PCDH15: variants seen among roughly 807,000 people sequenced by gnomAD.
The protein encoded by PCDH15 is protocadherin-15.
Under a neutral mutation model 178.5 loss-of-function variants are expected in PCDH15, and 129 were observed. The ratio of observed to expected loss-of-function variants is 0.72; its 90% CI spans 0.63 to 0.84. PCDH15 has a LOEUF of 0.84. PCDH15 is among the 40% of genes least tolerant of loss of function. The pLI, the probability that PCDH15 is intolerant of heterozygous loss-of-function variation, is 0.00. For synonymous variants in PCDH15, 800 were observed against 732.0 expected (o/e 1.09, Z -1.50); for missense variants, 2,230 against 2,099.9 (o/e 1.06, Z -1.21).
At chr10:53,925,040 G>A (rs1443008169) in intron 25 of PCDH15, among the ~76,000 whole-genome samples, 4 of 152,276 alleles carry the variant, frequency 2.6e-5, no homozygotes, top group South Asian at 4.1e-4. Flanking sequence ...GTACCAATCA[G>A]CAGGATGTGG....
At chr10:54,282,025 T>C (rs1190990424) in intron 8 of PCDH15, among the ~76,000 whole-genome samples, 1 of 152,120 alleles carries the variant, frequency 6.6e-6, no homozygotes, top group Non-Finnish European at 1.5e-5. Context: ...GACATAACAG[T>C]TGACTTTGTG....
chr10:54,027,472 T>C (rs2093141549), intron 18 of PCDH15, among the ~76,000 whole-genome samples: 2 of 151,906 alleles, frequency 1.3e-5, no homozygotes, highest in East Asian at 1.9e-4. Flanking sequence ...AAATAGAGCC[T>C]TCATCGCCAA....
At chr10:54,163,709 T>G (rs2045937711) in intron 13 of PCDH15, among the ~76,000 whole-genome samples, 1 of 152,132 alleles carries the variant, frequency 6.6e-6, no homozygotes, top group South Asian at 2.1e-4. Flanking sequence ...GAGATGGCTT[T>G]TAGGCAAACA....
At chr10:54,633,107 G>A (rs964332785) in intron 2 of PCDH15, among the ~76,000 whole-genome samples, 1 of 151,976 alleles carries the variant, frequency 6.6e-6, no homozygotes, top group African/African-American at 2.4e-5. Flanking sequence ...AATGGAATAC[G>A]GAGACTGAAA....
chr10:55,621,947 A>G (rs1837400632), intron 2 of PCDH15, among the ~76,000 whole-genome samples: 1 of 147,690 alleles, frequency 6.8e-6, no homozygotes, highest in South Asian at 2.1e-4. Context: ...CTTTTTAAAG[A>G]TCATTCATAG....
At chr10:55,198,526 G>A (rs1043173261) in intron 1 of PCDH15, among the ~76,000 whole-genome samples, 1 of 152,060 alleles carries the variant, frequency 6.6e-6, no homozygotes, top group Non-Finnish European at 1.5e-5. Flanking sequence ...TCGCCCTGTC[G>A]CCCAAGCTGG....
At chr10:53,949,289 G>T (rs1283604822) in intron 23 of PCDH15, among the ~76,000 whole-genome samples, 1 of 152,174 alleles carries the variant, frequency 6.6e-6, no homozygotes, top group African/African-American at 2.4e-5. Context: ...GACAGGAAAG[G>T]CTATCTTCAG....
At chr10:54,129,651 G>A (rs1285968568) in intron 15 of PCDH15, among the ~76,000 whole-genome samples, 3 of 152,162 alleles carry the variant, frequency 2.0e-5, no homozygotes, top group Non-Finnish European at 4.4e-5. Context: ...CATATTAAGT[G>A]CCACACTAAG....
chr10:54,647,567 G>T (rs976691481), intron 2 of PCDH15, among the ~76,000 whole-genome samples: 4 of 152,086 alleles, frequency 2.6e-5, no homozygotes, highest in African/African-American at 9.7e-5. Flanking sequence ...GCATGAGCCA[G>T]GTGCCTGAGC....
At chr10:55,184,818 G>GAT (rs1357978071) in intron 1 of PCDH15, among the ~76,000 whole-genome samples, 5 of 151,812 alleles carry the variant, frequency 3.3e-5, no homozygotes, top group African/African-American at 1.2e-4. Flanking sequence ...TTAAACCACG[G>GAT]ATATCAGTTC....
intron 14 of PCDH15, among the ~76,000 whole-genome samples, chr10:54,139,959 T>C (rs1274620788): frequency 6.6e-6 from 1 of 152,070 alleles, no homozygotes; most frequent in Non-Finnish European, 1.5e-5. Flanking sequence ...AAAACAAAAG[T>C]CCAAGCATGT....
intron 1 of PCDH15, among the ~76,000 whole-genome samples, chr10:55,205,640 C>T (rs992985045): frequency 4.0e-5 from 6 of 151,874 alleles, no homozygotes; most frequent in African/African-American, 7.3e-5. Flanking sequence ...TGTCAAGATT[C>T]GTAATATTAC....
intron 1 of PCDH15, among the ~76,000 whole-genome samples, chr10:54,791,454 C>T (rs951946741): frequency 2.0e-4 from 30 of 152,016 alleles, no homozygotes; most frequent in Admixed American, 1.6e-3. Flanking sequence ...ACCTTGACCT[C>T]TTCTTTTCTT....
intron 6 of PCDH15, among the ~76,000 whole-genome samples, chr10:54,334,918 G>T (rs1364549538): frequency 4.0e-5 from 6 of 151,740 alleles, no homozygotes; most frequent in African/African-American, 1.2e-4. Flanking sequence ...TCTCTCTTTG[G>T]GTTTCCCCCA....
intron 3 of PCDH15, among the ~76,000 whole-genome samples, chr10:54,868,838 G>A (rs1456519932): frequency 1.2e-4 from 19 of 152,096 alleles, no homozygotes; most frequent in Admixed American, 1.2e-3. Flanking sequence ...AGTCTGCCAT[G>A]CAGAAGTCTG....
At chr10:54,550,113 C>T (rs894389804) in intron 2 of PCDH15, among the ~76,000 whole-genome samples, 2 of 152,160 alleles carry the variant, frequency 1.3e-5, no homozygotes, top group African/African-American at 4.8e-5. Context: ...TCAATAGACT[C>T]ATGCTTTCTT....
chr10:55,259,075 C>A (rs1296354917), intron 1 of PCDH15, among the ~76,000 whole-genome samples: 1 of 152,116 alleles, frequency 6.6e-6, no homozygotes, highest in East Asian at 1.9e-4. Context: ...TCATCTGAAG[C>A]ACTGATTAAG....
chr10:55,058,188 T>G (rs2131995871), intron 2 of PCDH15, among the ~76,000 whole-genome samples: 1 of 152,276 alleles, frequency 6.6e-6, no homozygotes, highest in African/African-American at 2.4e-5. Context: ...TTAATTATAT[T>G]TTGTTCTGTA....
chr10:55,413,265 T>C (rs762601813), intron 2 of PCDH15, among the ~76,000 whole-genome samples: 86 of 151,772 alleles, frequency 5.7e-4, no homozygotes, highest in Admixed American at 1.3e-3. Context: ...TTATTGTTTG[T>C]TCCACATTTT....
Sources: gnomAD v4.1 joint callset for allele counts (sites outside exome capture counted in the v4.1 genomes callset) on GRCh38, gnomAD v4.1.1 for gene constraint, MANE v1.5 for transcripts, NCBI Gene and HGNC (gene_info 2026-07-23, HGNC 2026-07-21) for gene names.